Variants in SMARCAD1 observed in about 807,000 individuals in gnomAD.
SMARCAD1 encodes the protein SNF2 related chromatin remodeling ATPase with DExD box 1.
Under a neutral mutation model 127.1 loss-of-function variants are expected in SMARCAD1, and 25 were observed. The observed-to-expected ratio is 0.20, with a 90% CI of 0.14 to 0.27. SMARCAD1 has a LOEUF of 0.27. SMARCAD1 is among the 10% of genes least tolerant of loss of function. The pLI is 1.00. For synonymous variants in SMARCAD1, 400 were observed against 396.9 expected, an observed-to-expected ratio of 1.01 and a Z score of -0.09; for missense variants, 807 against 1,206.0, an observed-to-expected ratio of 0.67 and a Z score of 4.90.
chr4:94,252,584 A>G (rs753100307), intron 8 of SMARCAD1, 32 bp from the exon 9 acceptor site: 2 of 1,394,050 alleles, frequency 1.4e-6, no homozygotes, highest in Non-Finnish European at 9.7e-7. Context: ...TGTATTTCTA[A>G]TTTAGTTACT....
At chr4:94,209,302 A>G (rs891370388) in intron 2 of SMARCAD1, among the ~76,000 whole-genome samples, 2 of 152,196 alleles carry the variant, frequency 1.3e-5, no homozygotes, top group East Asian at 1.9e-4. Context: ...CAATAATCCT[A>G]CAAGGTAGAT....
At chr4:94,221,377 G>A (rs1437721552) in intron 2 of SMARCAD1, among the ~76,000 whole-genome samples, 6 of 152,058 alleles carry the variant, frequency 3.9e-5, no homozygotes, top group Non-Finnish European at 8.8e-5. Context: ...TTTTCGTATG[G>A]TTCCAGTTTC....
At chr4:94,216,527 C>G (rs1169774976) in intron 2 of SMARCAD1, among the ~76,000 whole-genome samples, 1 of 152,136 alleles carries the variant, frequency 6.6e-6, no homozygotes, top group Non-Finnish European at 1.5e-5. Context: ...ACATTCAGTT[C>G]AATACATATA....
chr4:94,272,692 G>GT (rs1752712271), intron 11 of SMARCAD1, among the ~76,000 whole-genome samples: 1 of 151,874 alleles, frequency 6.6e-6, no homozygotes, highest in South Asian at 2.1e-4. Context: ...TTCTGTTTTT[G>GT]TTTTTTTAAA....
intron 3 of SMARCAD1, among the ~76,000 whole-genome samples, chr4:94,231,306 C>G (rs371532942): frequency 6.6e-6 from 1 of 152,066 alleles, no homozygotes; most frequent in South Asian, 2.1e-4. Flanking sequence ...TCAGGAGAAA[C>G]ATAGTAGATA....
At position 94,264,718 on chromosome 4, in the gene SMARCAD1, G is replaced by T; in HGVS notation, c.1293G>T (p.Met431Ile). 1 of 1,611,520 alleles carries T rather than the reference G, an allele frequency of 6.2e-7. No homozygotes were observed. Among genetic ancestry groups the T allele is most frequent in the Non-Finnish European group, 8.5e-7 (1 of 1,178,604 alleles). ...TTTTTATGCTATAGTTCACAAAGAT[G>T]TCCAAAACTAATGGCTTATCAGAAG... ...FNSWEALFTK[M>I]SKTNGLSEDL... Residue 431 changes from methionine to isoleucine, a missense_variant, in exon 10 of 24, where the codon ATG (methionine) becomes ATT (isoleucine). Transcript: ENST00000354268.
intron 20 of SMARCAD1, 59 bp downstream of exon 20, chr4:94,280,839 C>A: frequency 6.8e-7 from 1 of 1,480,722 alleles, no homozygotes; most frequent in Non-Finnish European, 9.4e-7. Context: ...CTTCTTAAAG[C>A]AATTCTGGCA....
chr4:94,210,929 CAAAAAAAAAAA>C lies in SMARCAD1; in HGVS notation c.190+2356_190+2366del, dbSNP rs747690168. On this transcript the variant is annotated intron_variant, in intron 2 of 23. Coordinates refer to ENST00000354268, the MANE Select transcript of SMARCAD1 (RefSeq NM_020159.5). Reference sequence around the variant, plus strand: ...AGCCTGGGGGACAGAGACTGTATCTCAAAAAAAAAAAAAAAAAAAAAGGTAAATGTCTTTAA... The same window carrying C: ...AGCCTGGGGGACAGAGACTGTATCTCAAAAAAAAAAGGTAAATGTCTTTAA... 1.6e-4 allele frequency among the ~76,000 whole-genome samples: 9 copies of C among 57,050 alleles called. No individual in the cohort carries two copies. The South Asian group carries it at 7.7e-3, about 49-fold the overall frequency. The allele number at this position is 57,050 out of a possible 152,430, so 37.4% of individuals were successfully genotyped here.
At chr4:94,245,565 C>CG (rs1317749191) in intron 6 of SMARCAD1, among the ~76,000 whole-genome samples, 3 of 152,286 alleles carry the variant, frequency 2.0e-5, no homozygotes, top group African/African-American at 7.2e-5. Context: ...GGACAGTGAG[C>CG]TACAACCTTC....
intron 3 of SMARCAD1, among the ~76,000 whole-genome samples, chr4:94,230,660 T>C (rs907964508): frequency 6.6e-6 from 1 of 152,130 alleles, no homozygotes; most frequent in Non-Finnish European, 1.5e-5. Flanking sequence ...TCTCCAGACA[T>C]TGCCAAATAT....
intron 5 of SMARCAD1, among the ~76,000 whole-genome samples, chr4:94,240,551 T>C: frequency 6.6e-6 from 1 of 152,206 alleles, no homozygotes; most frequent in Non-Finnish European, 1.5e-5. Context: ...TTCAGATAAC[T>C]TACACTTGGT....
In SMARCAD1 at chr4:94,273,729, G is replaced by GTCTCCA; in HGVS notation, c.1672+13_1672+14insTCTCCA. On this transcript the variant is annotated intron_variant, in intron 12 of 23. Coordinates refer to ENST00000354268, the MANE Select transcript of SMARCAD1 (RefSeq NM_020159.5). ...GCTTCAACTATAGGTTTGTAATACT[G>GTCTCCA]GAGACAACTGTATTTAACTTTATCA... is the stretch of plus-strand genomic sequence containing the variant. 6.3e-7 allele frequency: 1 copy of GTCTCCA among 1,585,018 alleles called. No homozygotes were observed. Among genetic ancestry groups the GTCTCCA allele is most frequent in the Non-Finnish European group, 8.7e-7 (1 of 1,154,072 alleles).
chr4:94,213,071 G>A (rs1386094442), intron 2 of SMARCAD1: 3 of 1,287,828 alleles, frequency 2.3e-6, no homozygotes, highest in East Asian at 5.5e-5. Context: ...CAGGTGAAAG[G>A]GAAGAGAGAT....
chr4:94,246,705 C>T (rs1170658349), intron 6 of SMARCAD1, among the ~76,000 whole-genome samples: 1 of 152,128 alleles, frequency 6.6e-6, no homozygotes, highest in Non-Finnish European at 1.5e-5. Context: ...TGTATCAAGT[C>T]CAGTCAACAT....
intron 6 of SMARCAD1, among the ~76,000 whole-genome samples, chr4:94,248,760 CTCTGTTT>C (rs1748840162): frequency 6.6e-6 from 1 of 152,016 alleles, no homozygotes; most frequent in South Asian, 2.1e-4. Context: ...TTTTATTGGT[CTCTGTTT>C]TATGAAATTT....
At chr4:94,238,404 C>T (rs1747042191) in intron 5 of SMARCAD1, among the ~76,000 whole-genome samples, 2 of 152,088 alleles carry the variant, frequency 1.3e-5, no homozygotes, top group Admixed American at 1.3e-4. Flanking sequence ...ATGTATACTA[C>T]TTCTTATGGT....
At chr4:94,214,515 C>T (rs974348465) in intron 2 of SMARCAD1, among the ~76,000 whole-genome samples, 1 of 151,978 alleles carries the variant, frequency 6.6e-6, no homozygotes, top group Non-Finnish European at 1.5e-5. Context: ...ATCTGCCCGC[C>T]TCGGCCTCCT....
At chr4:94,274,021 T>C (rs569665982) in intron 12 of SMARCAD1, among the ~76,000 whole-genome samples, 11 of 152,350 alleles carry the variant, frequency 7.2e-5, no homozygotes, top group South Asian at 6.2e-4. Context: ...ATGAGTACTT[T>C]TAAATGTAGA....
intron 9 of SMARCAD1, among the ~76,000 whole-genome samples, chr4:94,260,807 T>C (rs1750857964): frequency 6.6e-6 from 1 of 152,232 alleles, no homozygotes; most frequent in Non-Finnish European, 1.5e-5. Flanking sequence ...CCCCACCTTT[T>C]AACCCTTTCT....
Sources: gnomAD v4.1 joint callset for allele counts (sites outside exome capture counted in the v4.1 genomes callset) on GRCh38, gnomAD v4.1.1 for gene constraint, MANE v1.5 for transcripts, NCBI Gene and HGNC (gene_info 2026-07-23, HGNC 2026-07-21) for gene names.